PRKN: variants seen among roughly 807,000 people sequenced by gnomAD.
PRKN encodes parkin RBR E3 ubiquitin protein ligase, also known as E3 ubiquitin-protein ligase parkin.
In PRKN, 56 loss-of-function variants were observed where a neutral mutation model predicts 59.5. The observed-to-expected ratio is 0.94, with a 90% CI of 0.76 to 1.18. PRKN has a LOEUF of 1.18. PRKN is among the 50% of genes most tolerant of loss of function. The pLI is 0.00. For synonymous variants in PRKN, 250 were observed against 222.1 expected, an observed-to-expected ratio of 1.13 and a Z score of -1.12; for missense variants, 657 against 596.4, an observed-to-expected ratio of 1.10 and a Z score of -1.06.
intron 2 of PRKN, among the ~76,000 whole-genome samples, chr6:162,340,700 CG>C (rs1441426089): frequency 6.6e-6 from 1 of 152,086 alleles, no homozygotes; most frequent in African/African-American, 2.4e-5. Flanking sequence ...ATTTAATAAA[CG>C]GTGTTGGGAA....
chr6:162,089,193 C>T (rs1779373476), intron 4 of PRKN, among the ~76,000 whole-genome samples: 1 of 152,060 alleles, frequency 6.6e-6, no homozygotes, highest in African/African-American at 2.4e-5. Flanking sequence ...ACATTTACAA[C>T]TTAACAAGGA....
At chr6:161,773,878 A>G (rs1403304130) in intron 7 of PRKN, among the ~76,000 whole-genome samples, 1 of 152,186 alleles carries the variant, frequency 6.6e-6, no homozygotes, top group African/African-American at 2.4e-5. Context: ...AAATTCAAGG[A>G]AAGTAAGAAC....
At chr6:162,399,955 C>T (rs576459362) in intron 2 of PRKN, among the ~76,000 whole-genome samples, 7 of 152,164 alleles carry the variant, frequency 4.6e-5, no homozygotes, top group Admixed American at 6.5e-5. Flanking sequence ...CTTGTAATTG[C>T]GGCACTTTGG....
In PRKN at chr6:162,257,417, T is replaced by C. The variant is rs182716712; in HGVS notation, c.412+5108A>G. On this transcript the variant is annotated intron_variant, in intron 3 of 11. Transcript: ENST00000366898. ...AACATGACTCTTCAAAAAGGTCCAT[T>C]TTAAGACTATATCTACTTTCTAACC... 6.2e-4 allele frequency among the ~76,000 whole-genome samples: 94 copies of C among 152,296 alleles called. 1 individual carries two copies. Among genetic ancestry groups the C allele is most frequent in the African/African-American group, 2.2e-3 (93 of 41,558 alleles).
chr6:161,604,914 G>A (rs1782224375), intron 7 of PRKN, among the ~76,000 whole-genome samples: 1 of 152,048 alleles, frequency 6.6e-6, no homozygotes, highest in South Asian at 2.1e-4. Context: ...CAGCCTGGGC[G>A]ACAAGTGAGA....
intron 1 of PRKN, among the ~76,000 whole-genome samples, chr6:162,610,779 T>C (rs1782113999): frequency 6.6e-6 from 1 of 152,212 alleles, no homozygotes; most frequent in African/African-American, 2.4e-5. Flanking sequence ...TATATTCAAA[T>C]TGCTCCCATT....
chr6:161,774,429 C>T (rs972985494), intron 7 of PRKN, among the ~76,000 whole-genome samples: 1 of 141,264 alleles, frequency 7.1e-6, no homozygotes, highest in Non-Finnish European at 1.5e-5. Flanking sequence ...CACACACACA[C>T]ACACGGCGTG....
chr6:162,690,090 C>CCATTATTTAGAATGTACTG, intron 1 of PRKN, among the ~76,000 whole-genome samples: 1 of 152,060 alleles, frequency 6.6e-6, no homozygotes. Context: ...AGAATGTACT[C>CCATTATTTAGAATGTACTG]CATTATTTAG....
intron 7 of PRKN, among the ~76,000 whole-genome samples, chr6:161,618,772 C>T (rs545929058): frequency 6.6e-6 from 1 of 152,174 alleles, no homozygotes; most frequent in Non-Finnish European, 1.5e-5. Context: ...ATGTATAAAT[C>T]TAATTTTAAT....
chr6:162,659,086 G>T (rs1393414757), intron 1 of PRKN, among the ~76,000 whole-genome samples: 3 of 152,098 alleles, frequency 2.0e-5, no homozygotes, highest in Non-Finnish European at 2.9e-5. Flanking sequence ...TTAATCATTT[G>T]CAATCTTTCA....
At chr6:162,687,420 G>A (rs1053142019) in intron 1 of PRKN, among the ~76,000 whole-genome samples, 2 of 151,898 alleles carry the variant, frequency 1.3e-5, no homozygotes, top group African/African-American at 2.4e-5. Flanking sequence ...TCCTGACCTC[G>A]TGATCCACCC....
chr6:161,910,131 C>G (rs977008663), intron 6 of PRKN, among the ~76,000 whole-genome samples: 13 of 152,136 alleles, frequency 8.5e-5, no homozygotes, highest in African/African-American at 2.9e-4. Flanking sequence ...TTGTGGCAAT[C>G]TCATGATAAA....
intron 1 of PRKN, among the ~76,000 whole-genome samples, chr6:162,467,182 C>T (rs1423415114): frequency 6.6e-6 from 1 of 152,092 alleles, no homozygotes; most frequent in South Asian, 2.1e-4. Flanking sequence ...AACCTTTTTC[C>T]CTTCTTCCTT....
intron 7 of PRKN, among the ~76,000 whole-genome samples, chr6:161,618,772 C>A (rs545929058): frequency 6.6e-6 from 1 of 152,174 alleles, no homozygotes; most frequent in Non-Finnish European, 1.5e-5. Context: ...ATGTATAAAT[C>A]TAATTTTAAT....
intron 6 of PRKN, among the ~76,000 whole-genome samples, chr6:161,892,965 C>A (rs562419477): frequency 1.2e-4 from 19 of 152,280 alleles, no homozygotes; most frequent in Admixed American, 9.1e-4. Context: ...GCCTTGGCCT[C>A]CCGAGTAGCT....
chr6:161,956,480 C>A (rs1490033374), intron 6 of PRKN, among the ~76,000 whole-genome samples: 1 of 152,094 alleles, frequency 6.6e-6, no homozygotes, highest in African/African-American at 2.4e-5. Flanking sequence ...CACAAATGGA[C>A]AAGAAGCAAG....
At chr6:162,089,888 T>C (rs991934910) in intron 4 of PRKN, among the ~76,000 whole-genome samples, 3 of 152,156 alleles carry the variant, frequency 2.0e-5, no homozygotes, top group Admixed American at 1.3e-4. Context: ...AAGAGGGAAG[T>C]GAGCAGGGGC....
chr6:162,549,891 C>T (rs1583780240), intron 1 of PRKN, among the ~76,000 whole-genome samples: 2 of 152,152 alleles, frequency 1.3e-5, no homozygotes, highest in South Asian at 4.1e-4. Context: ...TCTGCCTCGG[C>T]CTCCCAAAGT....
chr6:162,344,600 A>G (rs1784318717), intron 2 of PRKN, among the ~76,000 whole-genome samples: 1 of 142,130 alleles, frequency 7.0e-6, no homozygotes, highest in South Asian at 2.3e-4. Context: ...CTGAAGGTTG[A>G]GAGAAAAATG....
Sources: allele counts gnomAD v4.1 joint callset (sites outside exome capture counted in the v4.1 genomes callset), GRCh38; gene constraint gnomAD v4.1.1; transcripts MANE v1.5; gene names NCBI Gene and HGNC (gene_info 2026-07-23, HGNC 2026-07-21).